Variants in DLC1 observed in about 807,000 individuals in gnomAD.
The protein encoded by DLC1 is DLC1 Rho GTPase activating protein.
Under a neutral mutation model 140.3 loss-of-function variants are expected in DLC1, and 54 were observed. That is an observed-to-expected ratio of 0.38 (90% CI 0.31 to 0.48). DLC1 has a LOEUF of 0.48. Ranked by LOEUF, DLC1 falls within the 20% of genes least tolerant of loss-of-function variation. The pLI, the probability that DLC1 is intolerant of heterozygous loss-of-function variation, is 0.96. For missense variants in DLC1, 2,536 were observed against 1,907.0 expected (o/e 1.33, Z -6.14); for synonymous variants, 986 against 728.1 (o/e 1.35, Z -5.70).
chr8:13,425,886 T>TTGTCC (rs1382369581), intron 2 of DLC1, among the ~76,000 whole-genome samples: 5 of 152,176 alleles, frequency 3.3e-5, no homozygotes, highest in African/African-American at 1.2e-4. Flanking sequence ...GCTCAAGTGA[T>TTGTCC]TGTCCTCTAT....
intron 5 of DLC1, among the ~76,000 whole-genome samples, chr8:13,263,145 A>G (rs541007787): frequency 1.3e-5 from 2 of 152,256 alleles, no homozygotes; most frequent in South Asian, 2.1e-4. Flanking sequence ...GGGTCCCTAC[A>G]GCAGGTTTGT....
chr8:13,283,670 A>G (rs1259107594), intron 5 of DLC1, among the ~76,000 whole-genome samples: 1 of 152,068 alleles, frequency 6.6e-6, no homozygotes, highest in Non-Finnish European at 1.5e-5. Context: ...GCACACCACT[A>G]TGCCTGGCTT....
At chr8:13,501,506 C>T (rs1801817409) in intron 1 of DLC1, among the ~76,000 whole-genome samples, 2 of 152,272 alleles carry the variant, frequency 1.3e-5, no homozygotes, top group Non-Finnish European at 2.9e-5. Context: ...CTGATTTCTG[C>T]TATAAACAAG....
At chr8:13,371,954 G>A (rs1357424305) in intron 4 of DLC1, among the ~76,000 whole-genome samples, 1 of 152,144 alleles carries the variant, frequency 6.6e-6, no homozygotes, top group Admixed American at 6.6e-5. Flanking sequence ...TATCATAAAA[G>A]GAGAAAATAA....
intron 1 of DLC1, among the ~76,000 whole-genome samples, chr8:13,570,734 C>T (rs969761003): frequency 2.0e-5 from 3 of 152,094 alleles, no homozygotes; most frequent in Non-Finnish European, 4.4e-5. Flanking sequence ...CTTCCCTTTT[C>T]ACCTGGCATA....
At chr8:13,270,989 C>A (rs142586126) in intron 5 of DLC1, among the ~76,000 whole-genome samples, 1 of 152,228 alleles carries the variant, frequency 6.6e-6, no homozygotes, top group Non-Finnish European at 1.5e-5. Flanking sequence ...CTAATATTAC[C>A]CAGTGCAAGA....
intron 1 of DLC1, among the ~76,000 whole-genome samples, chr8:13,551,567 T>C (rs1221942850): frequency 1.3e-5 from 2 of 152,030 alleles, no homozygotes; most frequent in African/African-American, 4.8e-5. Flanking sequence ...TGCATTGCTC[T>C]CAACTATAAA....
intron 4 of DLC1, among the ~76,000 whole-genome samples, chr8:13,376,573 T>G (rs897890314): frequency 2.6e-5 from 4 of 152,058 alleles, no homozygotes; most frequent in African/African-American, 7.2e-5. Flanking sequence ...GAATAGAGAG[T>G]TAGAAATGTT....
chr8:13,129,586 A>C (rs1304897626), intron 5 of DLC1, among the ~76,000 whole-genome samples: 3 of 152,224 alleles, frequency 2.0e-5, no homozygotes, highest in Non-Finnish European at 2.9e-5. Context: ...ACACTAAAGA[A>C]ATTAGTTCTC....
At chr8:13,518,979 G>A (rs893837967), upstream of DLC1, among the ~76,000 whole-genome samples, 1 of 151,768 alleles carries the variant, frequency 6.6e-6, no homozygotes, top group African/African-American at 2.4e-5. Context: ...ATATTATCAA[G>A]AATTTTTTTA....
chr8:13,412,756 C>T (rs1180654515), intron 2 of DLC1, among the ~76,000 whole-genome samples: 4 of 151,820 alleles, frequency 2.6e-5, no homozygotes, highest in African/African-American at 4.8e-5. Flanking sequence ...CACGGTGAAA[C>T]CCCGTCTGTA....
At chr8:13,094,327 G>C (rs1178015428) in intron 12 of DLC1, among the ~76,000 whole-genome samples, 1 of 152,200 alleles carries the variant, frequency 6.6e-6, no homozygotes, top group African/African-American at 2.4e-5. Flanking sequence ...AGAAGGTGAT[G>C]ACATGGGTTT....
intron 1 of DLC1, among the ~76,000 whole-genome samples, chr8:13,571,797 C>G (rs1804661492): frequency 6.6e-6 from 1 of 152,182 alleles, no homozygotes; most frequent in Non-Finnish European, 1.5e-5. Flanking sequence ...ATTTCTACAG[C>G]AGTTGCAACG....
At chr8:13,477,190 G>T (rs1002951656) in intron 2 of DLC1, among the ~76,000 whole-genome samples, 1 of 143,042 alleles carries the variant, frequency 7.0e-6, no homozygotes, top group Non-Finnish European at 1.5e-5. Flanking sequence ...CAGGGCCTCA[G>T]GTTTATTCTC....
chr8:13,302,987 T>A (rs746843825), intron 5 of DLC1, among the ~76,000 whole-genome samples: 4 of 152,184 alleles, frequency 2.6e-5, no homozygotes, highest in Non-Finnish European at 5.9e-5. Flanking sequence ...ACTTTTGAAA[T>A]AAATCACATT....
chr8:13,271,510 A>G (rs1830929593), intron 5 of DLC1, among the ~76,000 whole-genome samples: 1 of 152,214 alleles, frequency 6.6e-6, no homozygotes, highest in South Asian at 2.1e-4. Flanking sequence ...TGCAAAAGAC[A>G]TATGATCCTG....
intron 1 of DLC1, among the ~76,000 whole-genome samples, chr8:13,574,765 G>A (rs1301456080): frequency 7.2e-5 from 11 of 152,170 alleles, no homozygotes; most frequent in Admixed American, 7.2e-4. Flanking sequence ...CAGACTGAGA[G>A]AAAAGTCAGC....
intron 2 of DLC1, among the ~76,000 whole-genome samples, chr8:13,488,797 A>T (rs1801095539): frequency 2.0e-5 from 3 of 152,214 alleles, no homozygotes; most frequent in Non-Finnish European, 2.9e-5. Flanking sequence ...TGTGTGTTAC[A>T]TTGCCCCTAC....
At chr8:13,100,911 T>A in intron 8 of DLC1, 141 bp from the exon 9 acceptor site, 2 of 841,786 alleles carry the variant, frequency 2.4e-6, no homozygotes. Context: ...AAAGTTTTTT[T>A]TTTTTTTTTT....
Sources: gnomAD v4.1 joint callset for allele counts (sites outside exome capture counted in the v4.1 genomes callset) on GRCh38, gnomAD v4.1.1 for gene constraint, MANE v1.5 for transcripts, NCBI Gene and HGNC (gene_info 2026-07-23, HGNC 2026-07-21) for gene names.